The following CTNNA2 variants were observed in gnomAD, a reference collection of about 807,000 sequenced individuals.
CTNNA2 encodes catenin alpha 2.
CTNNA2 carries 42 observed loss-of-function variants against 101.0 expected under a neutral mutation model. The observed-to-expected ratio is 0.42, with a 90% confidence interval of 0.32 to 0.54. CTNNA2 has a LOEUF of 0.54. Ranked by LOEUF, CTNNA2 falls within the 20% of genes least tolerant of loss-of-function variation. The pLI is 0.14. For missense variants in CTNNA2, 871 were observed against 1,223.1 expected, an observed-to-expected ratio of 0.71 and a Z score of 4.29; for synonymous variants, 450 against 456.4, an observed-to-expected ratio of 0.99 and a Z score of 0.18.
At chr2:80,420,483 G>A (rs1407234548) in intron 9 of CTNNA2, among the ~76,000 whole-genome samples, 2 of 152,098 alleles carry the variant, frequency 1.3e-5, no homozygotes, top group African/African-American at 4.8e-5. Context: ...CCACTGTGAT[G>A]CATTCCCACT....
At chr2:79,829,200 G>A (rs1031830120) in intron 3 of CTNNA2, among the ~76,000 whole-genome samples, 3 of 152,054 alleles carry the variant, frequency 2.0e-5, no homozygotes, top group Non-Finnish European at 4.4e-5. Flanking sequence ...AATACAGAAG[G>A]AAATTGCTTA....
intron 7 of CTNNA2, among the ~76,000 whole-genome samples, chr2:80,347,343 G>A (rs1672830846): frequency 6.6e-6 from 1 of 152,156 alleles, no homozygotes; most frequent in Non-Finnish European, 1.5e-5. Flanking sequence ...CCTCATTAAT[G>A]CCATTTAACA....
chr2:79,563,188 T>TATA (rs1491331448), intron 1 of CTNNA2, among the ~76,000 whole-genome samples: 2 of 42,298 alleles, frequency 4.7e-5, no homozygotes, highest in African/African-American at 1.1e-4. Context: ...TATATATATA[T>TATA]TTTCCTTCAT....
chr2:79,348,987 A>G lies in CTNNA2; in HGVS notation c.-317-24844A>G, dbSNP rs573770544. ...AAATTGCAATCGGCAGAGTAAAATT[A>G]CTTGTCAAAGATCATGGAATATCAA... On this transcript the variant is annotated intron_variant, in intron 3 of 21. Transcript: ENST00000466387. 2.0e-5 allele frequency among the ~76,000 whole-genome samples: 3 copies of G among 152,352 alleles called. No homozygotes were observed. The South Asian group carries it at 6.2e-4, about 32-fold the overall frequency.
intron 3 of CTNNA2, among the ~76,000 whole-genome samples, chr2:79,340,885 A>C (rs1677121795): frequency 7.2e-6 from 1 of 139,832 alleles, no homozygotes; most frequent in Admixed American, 7.2e-5. Context: ...TGAGTACAGA[A>C]TCTAGGGATC....
intron 2 of CTNNA2, among the ~76,000 whole-genome samples, chr2:79,228,590 T>A (rs1246728610): frequency 6.6e-6 from 1 of 152,214 alleles, no homozygotes; most frequent in African/African-American, 2.4e-5. Flanking sequence ...AGCTCATTTT[T>A]AAATTGGATT....
chr2:79,834,885 A>C (rs1679199621), intron 3 of CTNNA2, among the ~76,000 whole-genome samples: 1 of 152,230 alleles, frequency 6.6e-6, no homozygotes, highest in African/African-American at 2.4e-5. Flanking sequence ...ATTAAAGTCT[A>C]GTTTTATTAA....
intron 3 of CTNNA2, among the ~76,000 whole-genome samples, chr2:79,336,228 G>A (rs1558632806): frequency 6.6e-6 from 1 of 152,146 alleles, no homozygotes; most frequent in Non-Finnish European, 1.5e-5. Context: ...AGACTGCACT[G>A]GGATTCTTCC....
intron 1 of CTNNA2, among the ~76,000 whole-genome samples, chr2:79,568,613 C>T (rs111524075): frequency 2.0e-3 from 295 of 149,980 alleles, no homozygotes; most frequent in African/African-American, 6.4e-3. Flanking sequence ...AGAAAAGTAA[C>T]GAAAAGAAAA....
At chr2:80,442,623 C>T (rs929420753) in intron 9 of CTNNA2, among the ~76,000 whole-genome samples, 1 of 152,166 alleles carries the variant, frequency 6.6e-6, no homozygotes, top group Non-Finnish European at 1.5e-5. Flanking sequence ...GAATTTTAGG[C>T]CATTAATATA....
In CTNNA2 at chr2:80,544,970, T is replaced by A. The variant is rs775893336; in HGVS notation, c.1291-12T>A. 1 of 1,612,580 alleles carries A rather than the reference T, an allele frequency of 6.2e-7. No homozygotes were observed. The highest frequency in any genetic ancestry group is 8.5e-7 in the Non-Finnish European group (1 of 1,179,086). On this transcript the variant is annotated splice_polypyrimidine_tract_variant and intron_variant, in intron 9 of 18. Coordinates refer to ENST00000402739, the MANE Select transcript of CTNNA2 (RefSeq NM_001282597.3). ...CCCAACCTAATATTCACTAAAATCC[T>A]CTTCAATACAGGTTGCCAATTTGGC...
intron 7 of CTNNA2, among the ~76,000 whole-genome samples, chr2:80,022,654 A>C (rs918443588): frequency 1.1e-4 from 17 of 152,126 alleles, no homozygotes; most frequent in African/African-American, 4.1e-4. Flanking sequence ...ACATGGGGGA[A>C]GGAGTGGAAG....
chr2:79,439,319 AG>A (rs1678753127), intron 4 of CTNNA2, among the ~76,000 whole-genome samples: 1 of 152,224 alleles, frequency 6.6e-6, no homozygotes. Flanking sequence ...CAGTCACAAA[AG>A]CTCCCATATT....
intron 7 of CTNNA2, among the ~76,000 whole-genome samples, chr2:80,331,659 G>T (rs545423288): frequency 6.6e-6 from 1 of 152,086 alleles, no homozygotes; most frequent in African/African-American, 2.4e-5. Flanking sequence ...TTATATTCCC[G>T]AGCAATGATG....
At chr2:80,419,885 C>T (rs549495951) in intron 9 of CTNNA2, among the ~76,000 whole-genome samples, 3 of 151,906 alleles carry the variant, frequency 2.0e-5, no homozygotes, top group Admixed American at 6.6e-5. Context: ...TGGAAGGGAA[C>T]TCTGGAGTGC....
intron 7 of CTNNA2, among the ~76,000 whole-genome samples, chr2:80,323,743 TA>T (rs1233218585): frequency 6.6e-6 from 1 of 152,168 alleles, no homozygotes; most frequent in Non-Finnish European, 1.5e-5. Flanking sequence ...TATCAGGATT[TA>T]AAAGTTTCTA....
chr2:79,408,399 A>T (rs1678364768), intron 4 of CTNNA2, among the ~76,000 whole-genome samples: 1 of 150,992 alleles, frequency 6.6e-6, no homozygotes. Context: ...GGTGTGCTGC[A>T]CCCATTAACT....
intron 7 of CTNNA2, among the ~76,000 whole-genome samples, chr2:80,092,052 G>A (rs1048895128): frequency 1.3e-5 from 2 of 151,950 alleles, no homozygotes; most frequent in Admixed American, 6.6e-5. Flanking sequence ...TAGCAATCAC[G>A]ACAAATGATC....
chr2:80,559,983 T>C (rs1446251028), intron 12 of CTNNA2, among the ~76,000 whole-genome samples: 1 of 149,808 alleles, frequency 6.7e-6, no homozygotes, highest in Non-Finnish European at 1.5e-5. Flanking sequence ...TTTGTGGCCA[T>C]GTGAGCGTGA....
Sources: gnomAD v4.1 joint callset for allele counts (sites outside exome capture counted in the v4.1 genomes callset) on GRCh38, gnomAD v4.1.1 for gene constraint, MANE v1.5 for transcripts, NCBI Gene and HGNC (gene_info 2026-07-23, HGNC 2026-07-21) for gene names.